Variants in FBXL13 observed in about 807,000 individuals in gnomAD.
FBXL13 encodes the protein F-box and leucine-rich repeat protein 13.
In FBXL13, 67 loss-of-function variants were observed where a neutral mutation model predicts 83.6. The ratio of observed to expected loss-of-function variants is 0.80; its 90% CI spans 0.66 to 0.98. The LOEUF (loss-of-function observed/expected upper bound fraction) is 0.98, where lower values mean the gene tolerates loss of function less well. Among genes scored for constraint, FBXL13 ranks in the 50% least tolerant of loss-of-function variants. The pLI is 0.00. For synonymous variants in FBXL13, 272 were observed against 299.5 expected, an observed-to-expected ratio of 0.91 and a Z score of 0.95; for missense variants, 822 against 866.5, an observed-to-expected ratio of 0.95 and a Z score of 0.64.
intron 2 of FBXL13, among the ~76,000 whole-genome samples, chr7:103,035,047 G>C (rs1238633541): frequency 6.6e-6 from 1 of 152,190 alleles, no homozygotes; most frequent in Admixed American, 6.5e-5. Flanking sequence ...GTATGAGTTT[G>C]AGTTATTAGC....
intron 8 of FBXL13, among the ~76,000 whole-genome samples, chr7:102,942,010 T>A (rs535536435): frequency 6.6e-6 from 1 of 152,328 alleles, no homozygotes; most frequent in South Asian, 2.1e-4. Context: ...TCCTTTTCTG[T>A]CCTTAGGATC....
intron 1 of FBXL13, among the ~76,000 whole-genome samples, chr7:103,070,054 G>A (rs759731838): frequency 2.0e-5 from 3 of 150,062 alleles, no homozygotes; most frequent in South Asian, 4.2e-4. Context: ...ACTCCAGCCT[G>A]GGCGACAGTG....
chr7:102,934,144 TG>T, intron 8 of FBXL13: 1 of 1,614,172 alleles, frequency 6.2e-7, no homozygotes, highest in Non-Finnish European at 8.5e-7. Flanking sequence ...ATGTGCTGCC[TG>T]GTTGGCCTCA....
chr7:102,850,303 T>C (rs1204483266), intron 17 of FBXL13, among the ~76,000 whole-genome samples: 1 of 152,054 alleles, frequency 6.6e-6, no homozygotes, highest in African/African-American at 2.4e-5. Context: ...ATACTTAACA[T>C]CAAACTTTGG....
At chr7:102,886,954 A>G (rs1464739716) in intron 11 of FBXL13, among the ~76,000 whole-genome samples, 1 of 152,084 alleles carries the variant, frequency 6.6e-6, no homozygotes, top group East Asian at 1.9e-4. Flanking sequence ...GTATTTTTCT[A>G]TTGTGCTACA....
At chr7:102,886,045 C>A (rs1810754059) in intron 11 of FBXL13, among the ~76,000 whole-genome samples, 1 of 152,188 alleles carries the variant, frequency 6.6e-6, no homozygotes, top group South Asian at 2.1e-4. Context: ...CGATTTCTTT[C>A]TTTTCAACTA....
chr7:102,926,140 C>T, intron 10 of FBXL13, 134 bp downstream of exon 11: 1 of 687,328 alleles, frequency 1.5e-6, no homozygotes, highest in Non-Finnish European at 2.4e-6. Flanking sequence ...AGCAGCAGAC[C>T]CCTTATCAGA....
chr7:103,069,882 TC>T, intron 1 of FBXL13, among the ~76,000 whole-genome samples: 1 of 152,196 alleles, frequency 6.6e-6, no homozygotes, highest in South Asian at 2.1e-4. Context: ...ATCGAGACCA[TC>T]CTGGCTAACA....
intron 2 of FBXL13, among the ~76,000 whole-genome samples, chr7:103,042,556 G>A (rs1795836629): frequency 6.7e-6 from 1 of 148,980 alleles, no homozygotes; most frequent in South Asian, 2.1e-4. Flanking sequence ...AGGCATCATG[G>A]AGACTTCAAA....
At chr7:102,840,269 G>T (rs1431142431) in intron 17 of FBXL13, among the ~76,000 whole-genome samples, 1 of 152,186 alleles carries the variant, frequency 6.6e-6, no homozygotes, top group African/African-American at 2.4e-5. Context: ...TCAGGTTTTA[G>T]ATTTTCTCTC....
intron 8 of FBXL13, among the ~76,000 whole-genome samples, chr7:102,941,685 G>C (rs2129475547): frequency 6.6e-6 from 1 of 151,658 alleles, no homozygotes; most frequent in South Asian, 2.1e-4. Flanking sequence ...TCCTTCTGCT[G>C]TCATCCACAA....
chr7:102,837,670 C>T (rs1802233270), intron 17 of FBXL13, among the ~76,000 whole-genome samples: 1 of 152,166 alleles, frequency 6.6e-6, no homozygotes, highest in South Asian at 2.1e-4. Flanking sequence ...ATCCTTCTAC[C>T]TCAGCCTTCC....
intron 6 of FBXL13, among the ~76,000 whole-genome samples, chr7:102,996,967 A>G (rs1356812818): frequency 1.3e-5 from 2 of 152,138 alleles, no homozygotes; most frequent in African/African-American, 4.8e-5. Context: ...TATTATATTG[A>G]TAGTTGAAGA....
intron 10 of FBXL13, among the ~76,000 whole-genome samples, chr7:102,922,710 C>T (rs988785233): frequency 1.3e-5 from 2 of 152,154 alleles, no homozygotes; most frequent in Non-Finnish European, 1.5e-5. Flanking sequence ...TGGTGGCTCA[C>T]GCCTATAATC....
At chr7:102,841,241 ATC>A (rs1458465989) in intron 17 of FBXL13, among the ~76,000 whole-genome samples, 1 of 151,680 alleles carries the variant, frequency 6.6e-6, no homozygotes, top group Non-Finnish European at 1.5e-5. Flanking sequence ...CCTTCAGACA[ATC>A]TGACAGTTTT....
intron 11 of FBXL13, among the ~76,000 whole-genome samples, chr7:102,886,352 T>C (rs1269831734): frequency 6.6e-6 from 1 of 152,130 alleles, no homozygotes; most frequent in Non-Finnish European, 1.5e-5. Context: ...AGGGAGACCT[T>C]TGGAGACTTC....
intron 6 of FBXL13, among the ~76,000 whole-genome samples, chr7:103,017,458 G>A (rs1792496981): frequency 6.6e-6 from 1 of 152,234 alleles, no homozygotes; most frequent in South Asian, 2.1e-4. Context: ...GCCAGGAACA[G>A]AACAAAGCTA....
intron 6 of FBXL13, among the ~76,000 whole-genome samples, chr7:103,000,152 C>T (rs1335901849): frequency 2.0e-5 from 3 of 151,978 alleles, no homozygotes; most frequent in African/African-American, 7.2e-5. Flanking sequence ...TTAATTTCTT[C>T]ACTGACCAAT....
chr7:102,913,213 T>A lies in FBXL13; in HGVS notation c.881A>T (p.His294Leu). The change falls in exon 11 of 20, where the codon CAC becomes CTC. Residue 294 changes from histidine to leucine, a missense_variant and splice_region_variant. By Grantham distance (99) the His-to-Leu change is moderately conservative (BLOSUM62 -3). Coordinates refer to ENST00000313221, the Ensembl canonical transcript of FBXL13. ...ACTAAGATTCTGTAAGTTGTGGAAG[T>A]GCCTGAAAAGACAAAAGAGAGGAAG... The A allele has an allele frequency of 3.1e-6, 5 of 1,614,142 alleles. No individual in the cohort carries two copies. The East Asian group carries it at 1.1e-4, about 36-fold the overall frequency.
Sources: allele counts gnomAD v4.1 joint callset (sites outside exome capture counted in the v4.1 genomes callset), GRCh38; gene constraint gnomAD v4.1.1; transcripts MANE v1.5; gene names NCBI Gene and HGNC (gene_info 2026-07-23, HGNC 2026-07-21).